CHRM2: variants seen among roughly 807,000 people sequenced by gnomAD.
CHRM2 encodes cholinergic receptor muscarinic 2.
A neutral mutation model predicts 25.0 loss-of-function variants in CHRM2; 8 were observed. That is an observed-to-expected ratio of 0.32 (90% CI 0.19 to 0.58). The LOEUF is 0.58. Among genes scored for constraint, CHRM2 ranks in the 20% least tolerant of loss-of-function variants. CHRM2 has a pLI of 0.88. For missense variants in CHRM2, 440 were observed against 567.1 expected (o/e 0.78, Z 2.28); for synonymous variants, 202 against 205.7 (o/e 0.98, Z 0.15).
chr7:136,895,414 C>T (rs922274754), intron 2 of CHRM2, among the ~76,000 whole-genome samples: 1 of 152,134 alleles, frequency 6.6e-6, no homozygotes, highest in Non-Finnish European at 1.5e-5. Context: ...AGCGGTTTTC[C>T]TAAATTTCAT....
At chr7:136,933,801 G>T (rs1281792264) in intron 2 of CHRM2, among the ~76,000 whole-genome samples, 1 of 152,146 alleles carries the variant, frequency 6.6e-6, no homozygotes, top group Non-Finnish European at 1.5e-5. Context: ...GGTGAAAGAA[G>T]TCCATCACAA....
chr7:136,999,290 G>A (rs553510245), intron 3 of CHRM2, among the ~76,000 whole-genome samples: 1 of 151,982 alleles, frequency 6.6e-6, no homozygotes, highest in African/African-American at 2.4e-5. Context: ...CTAGGTGATG[G>A]GTTGACAGGT....
At chr7:136,997,649 A>G (rs1317282547) in intron 3 of CHRM2, among the ~76,000 whole-genome samples, 2 of 152,170 alleles carry the variant, frequency 1.3e-5, no homozygotes, top group Admixed American at 6.6e-5. Flanking sequence ...CTGCAACACA[A>G]AACATAATAC....
chr7:136,991,626 A>G (rs1803238057), intron 2 of CHRM2, among the ~76,000 whole-genome samples: 1 of 152,118 alleles, frequency 6.6e-6, no homozygotes, highest in Admixed American at 6.6e-5. Flanking sequence ...CTTAGCTACC[A>G]TCTGGAGGTG....
intron 3 of CHRM2, among the ~76,000 whole-genome samples, chr7:136,993,353 G>A (rs1386651629): frequency 6.6e-6 from 1 of 152,124 alleles, no homozygotes; most frequent in Non-Finnish European, 1.5e-5. Flanking sequence ...TTACTAGCTG[G>A]CACATAACTT....
At chr7:137,005,268 A>G (rs1804346517) in intron 3 of CHRM2, among the ~76,000 whole-genome samples, 1 of 152,150 alleles carries the variant, frequency 6.6e-6, no homozygotes, top group Non-Finnish European at 1.5e-5. Context: ...ATAAATAGGC[A>G]TTTTAATGAA....
At chr7:136,934,056 T>C (rs903302042) in intron 2 of CHRM2, among the ~76,000 whole-genome samples, 3 of 152,190 alleles carry the variant, frequency 2.0e-5, no homozygotes, top group Admixed American at 6.5e-5. Flanking sequence ...AAGAAATCAA[T>C]GAGTTGTAGA....
At chr7:137,006,286 TGAACG>T (rs1169111441) in intron 3 of CHRM2, among the ~76,000 whole-genome samples, 7 of 152,082 alleles carry the variant, frequency 4.6e-5, no homozygotes, top group Non-Finnish European at 8.8e-5. Flanking sequence ...GTATATTGTG[TGAACG>T]AATTAATGAA....
At chr7:136,955,064 C>T (rs1025729575) in intron 2 of CHRM2, among the ~76,000 whole-genome samples, 2 of 152,120 alleles carry the variant, frequency 1.3e-5, no homozygotes, top group Non-Finnish European at 2.9e-5. Context: ...TAAGGACATT[C>T]TCGCATAGTT....
At chr7:136,940,845 G>T (rs1234031443) in intron 2 of CHRM2, among the ~76,000 whole-genome samples, 2 of 152,096 alleles carry the variant, frequency 1.3e-5, no homozygotes, top group Non-Finnish European at 2.9e-5. Context: ...TGTTTTCTTG[G>T]CTTTGAAATA....
At chr7:136,922,751 A>T (rs1798519478) in intron 2 of CHRM2, among the ~76,000 whole-genome samples, 1 of 152,202 alleles carries the variant, frequency 6.6e-6, no homozygotes, top group Non-Finnish European at 1.5e-5. Flanking sequence ...ACTAGGAGCA[A>T]TTAGAAAGTT....
At chr7:137,012,753 AC>A (rs1804906386) in intron 3 of CHRM2, among the ~76,000 whole-genome samples, 1 of 151,874 alleles carries the variant, frequency 6.6e-6, no homozygotes, top group African/African-American at 2.4e-5. Context: ...ACTTGAGTAG[AC>A]CTCTTTGTAC....
intron 2 of CHRM2, among the ~76,000 whole-genome samples, chr7:136,910,068 G>A (rs560083867): frequency 1.3e-5 from 2 of 151,838 alleles, no homozygotes; most frequent in African/African-American, 4.8e-5. Context: ...AAGGTGAGGG[G>A]TTGGGCTGGA....
intron 3 of CHRM2, among the ~76,000 whole-genome samples, chr7:136,997,522 G>C (rs1803687552): frequency 6.6e-6 from 1 of 152,132 alleles, no homozygotes; most frequent in Non-Finnish European, 1.5e-5. Flanking sequence ...CGCAGATGAA[G>C]GTTTCAAAGC....
At chr7:136,953,403 T>C (rs1204811636) in intron 2 of CHRM2, among the ~76,000 whole-genome samples, 8 of 152,186 alleles carry the variant, frequency 5.3e-5, no homozygotes, top group Admixed American at 5.2e-4. Context: ...AGTGTATAGA[T>C]AGATTTTTCT....
intron 3 of CHRM2, among the ~76,000 whole-genome samples, chr7:137,010,827 C>A (rs569945545): frequency 6.6e-6 from 1 of 152,014 alleles, no homozygotes; most frequent in African/African-American, 2.4e-5. Flanking sequence ...AAACTAGCAA[C>A]CTCTGAGTGT....
intron 2 of CHRM2, among the ~76,000 whole-genome samples, chr7:136,887,676 T>C (rs535327398): frequency 6.6e-6 from 1 of 152,292 alleles, no homozygotes; most frequent in East Asian, 1.9e-4. Context: ...TCACTGACCA[T>C]GCCTCAGAAG....
chr7:137,008,328 T>C (rs1804586408), intron 3 of CHRM2, among the ~76,000 whole-genome samples: 1 of 152,130 alleles, frequency 6.6e-6, no homozygotes, highest in African/African-American at 2.4e-5. Flanking sequence ...ATGATCATTA[T>C]ATTTTTTATG....
intron 2 of CHRM2, among the ~76,000 whole-genome samples, chr7:136,943,817 T>C (rs1457951839): frequency 6.6e-6 from 1 of 152,076 alleles, no homozygotes; most frequent in Non-Finnish European, 1.5e-5. Context: ...TCAAAATCAA[T>C]ACCTCAAAAG....
Sources: allele counts gnomAD v4.1 joint callset (sites outside exome capture counted in the v4.1 genomes callset), GRCh38; gene constraint gnomAD v4.1.1; transcripts MANE v1.5; gene names NCBI Gene and HGNC (gene_info 2026-07-23, HGNC 2026-07-21).